The following NXPH1 variants were observed in gnomAD, a reference collection of about 807,000 sequenced individuals.
NXPH1 encodes neurexophilin 1.
A neutral mutation model predicts 23.7 loss-of-function variants in NXPH1; 5 were observed. The observed-to-expected ratio is 0.21, with a 90% CI of 0.11 to 0.44. NXPH1 has a LOEUF of 0.44. Ranked by LOEUF, NXPH1 falls within the 20% of genes least tolerant of loss-of-function variation. The pLI is 0.99. For missense variants in NXPH1, 324 were observed against 321.6 expected, an observed-to-expected ratio of 1.01 and a Z score of -0.06; for synonymous variants, 144 against 122.2, an observed-to-expected ratio of 1.18 and a Z score of -1.18.
chr7:8,609,198 G>C lies in NXPH1; in HGVS notation c.55-141810G>C, dbSNP rs143126439. ...TTCTACAGATGGTTAATGTCTGCTA[G>C]CTAAGCTAGGTAAGTTAGGAAAAGC... On this transcript the variant is annotated intron_variant, in intron 2 of 2. Transcript: ENST00000405863. Among the ~76,000 whole-genome samples, 471 of 152,270 alleles carry C rather than the reference G, an allele frequency of 3.1e-3. 3 individuals carry two copies. The highest frequency in any genetic ancestry group is 0.011 in the African/African-American group (445 of 41,562).
intron 2 of NXPH1, among the ~76,000 whole-genome samples, chr7:8,700,615 C>A (rs142080078): frequency 2.4e-3 from 360 of 152,246 alleles, no homozygotes; most frequent in African/African-American, 8.2e-3. Context: ...ACAATGTGGT[C>A]TTTCACTTTT....
At chr7:8,708,366 T>A (rs903166231) in intron 2 of NXPH1, among the ~76,000 whole-genome samples, 1 of 152,082 alleles carries the variant, frequency 6.6e-6, no homozygotes, top group African/African-American at 2.4e-5. Context: ...TTTTTTAAAT[T>A]TTTTTGGTTT....
chr7:8,696,975 T>A (rs754106395), intron 2 of NXPH1, among the ~76,000 whole-genome samples: 3 of 141,812 alleles, frequency 2.1e-5, no homozygotes, highest in Non-Finnish European at 4.8e-5. Context: ...CTGGTCAACA[T>A]GGCAAAACCC....
At chr7:8,596,323 T>G (rs1380000440) in intron 2 of NXPH1, among the ~76,000 whole-genome samples, 1 of 152,076 alleles carries the variant, frequency 6.6e-6, no homozygotes, top group East Asian at 1.9e-4. Context: ...ATAAGAGTGC[T>G]TCAGAATTAG....
chr7:8,750,602 G>T (rs1340777807), intron 2 of NXPH1, among the ~76,000 whole-genome samples: 4 of 152,144 alleles, frequency 2.6e-5, no homozygotes, highest in African/African-American at 9.7e-5. Flanking sequence ...TTTGTGCTAA[G>T]AAGTAATTAC....
At chr7:8,721,837 T>A in intron 2 of NXPH1, among the ~76,000 whole-genome samples, 2 of 152,342 alleles carry the variant, frequency 1.3e-5, no homozygotes, top group Admixed American at 1.3e-4. Context: ...ATAAATCTCA[T>A]ACCTTCCTTT....
At chr7:8,683,972 G>T (rs1821099619) in intron 2 of NXPH1, among the ~76,000 whole-genome samples, 1 of 152,164 alleles carries the variant, frequency 6.6e-6, no homozygotes, top group Non-Finnish European at 1.5e-5. Context: ...TGGCATCTGT[G>T]TTGCATACTA....
intron 2 of NXPH1, among the ~76,000 whole-genome samples, chr7:8,631,597 T>G (rs989020768): frequency 2.0e-5 from 3 of 152,182 alleles, no homozygotes; most frequent in African/African-American, 7.2e-5. Context: ...GGATTAGCAC[T>G]TTTCAACTTT....
At chr7:8,701,859 G>A (rs1002341262) in intron 2 of NXPH1, among the ~76,000 whole-genome samples, 1 of 151,908 alleles carries the variant, frequency 6.6e-6, no homozygotes, top group Admixed American at 6.6e-5. Context: ...TATTCTATAT[G>A]GTCTGGAATG....
At chr7:8,700,116 A>C (rs1779598665) in intron 2 of NXPH1, among the ~76,000 whole-genome samples, 1 of 152,160 alleles carries the variant, frequency 6.6e-6, no homozygotes, top group South Asian at 2.1e-4. Flanking sequence ...AAAGCTCTCC[A>C]GTGAGGCACC....
At chr7:8,700,958 T>C (rs1005344801) in intron 2 of NXPH1, among the ~76,000 whole-genome samples, 2 of 152,076 alleles carry the variant, frequency 1.3e-5, no homozygotes, top group Admixed American at 6.6e-5. Context: ...TATGTGAAAT[T>C]TAGATGAAGT....
chr7:8,465,703 A>G (rs1330116482), intron 2 of NXPH1, among the ~76,000 whole-genome samples: 1 of 152,152 alleles, frequency 6.6e-6, no homozygotes, highest in African/African-American at 2.4e-5. Context: ...AAATTATTTA[A>G]ACCACTTAAA....
At chr7:8,709,517 T>C (rs1779754434) in intron 2 of NXPH1, among the ~76,000 whole-genome samples, 1 of 152,330 alleles carries the variant, frequency 6.6e-6, no homozygotes, top group Middle Eastern at 3.4e-3. Context: ...ATGAAGATTT[T>C]TGAGGCACTC....
chr7:8,518,116 T>C (rs1817716817), intron 2 of NXPH1, among the ~76,000 whole-genome samples: 1 of 152,162 alleles, frequency 6.6e-6, no homozygotes. Flanking sequence ...ACATAGTAAG[T>C]GTAAAAAAAT....
rs144638969 is a variant in NXPH1 at position 8,666,117 on chromosome 7, C to G, written c.55-84891C>G. On this transcript the variant is annotated intron_variant, in intron 2 of 2. Transcript: ENST00000405863. The stretch of plus-strand genomic sequence containing the variant: ...ATGTGGGAAGAGTGGGCCTCCTTGC[C>G]TTGTTCTTGATCATAGATAAAAGCT... Among the ~76,000 whole-genome samples, 56 of 151,746 alleles carry G rather than the reference C, an allele frequency of 3.7e-4. No individual in the cohort carries two copies. In the East Asian group the frequency reaches 7.4e-3, roughly 20 times the overall value.
chr7:8,743,457 A>G (rs1411265724), intron 2 of NXPH1, among the ~76,000 whole-genome samples: 1 of 152,112 alleles, frequency 6.6e-6, no homozygotes, highest in Non-Finnish European at 1.5e-5. Flanking sequence ...AGAAGTAAAC[A>G]TTTTGTCACG....
At chr7:8,661,852 T>C (rs2189626) in intron 2 of NXPH1, among the ~76,000 whole-genome samples, 144,231 of 152,064 alleles carry the variant, frequency 0.95, 68,457 homozygotes, top group East Asian at 1. Flanking sequence ...AATAATGAAT[T>C]ACCAAGTATG....
At chr7:8,612,236 C>T (rs889471597) in intron 2 of NXPH1, among the ~76,000 whole-genome samples, 16 of 149,524 alleles carry the variant, frequency 1.1e-4, no homozygotes, top group Non-Finnish European at 2.2e-4. Context: ...TTTTTACATT[C>T]TCCCCTTCCT....
At chr7:8,581,772 T>C (rs773770614) in intron 2 of NXPH1, among the ~76,000 whole-genome samples, 30 of 152,112 alleles carry the variant, frequency 2.0e-4, no homozygotes, top group Non-Finnish European at 3.8e-4. Context: ...AGTAGCGATA[T>C]TCAGCTTATT....
Sources: gnomAD v4.1 joint callset for allele counts (sites outside exome capture counted in the v4.1 genomes callset) on GRCh38, gnomAD v4.1.1 for gene constraint, MANE v1.5 for transcripts, NCBI Gene and HGNC (gene_info 2026-07-23, HGNC 2026-07-21) for gene names.